SYNM: variants seen among roughly 807,000 people sequenced by gnomAD.
SYNM encodes desmuslin.
A neutral mutation model predicts 104.0 loss-of-function variants in SYNM; 95 were observed. The observed-to-expected ratio is 0.91, with a 90% confidence interval of 0.77 to 1.08. The LOEUF (loss-of-function observed/expected upper bound fraction) is 1.08, where lower values mean the gene tolerates loss of function less well. SYNM is among the 50% of genes least tolerant of loss of function. The pLI is 0.00. For missense variants in SYNM, 2,150 were observed against 2,052.2 expected (o/e 1.05, Z -0.92); for synonymous variants, 918 against 869.0 (o/e 1.06, Z -0.99).
chr15:99,133,323 C>T lies in SYNM; in HGVS notation c.*265C>T. 6.1e-6 allele frequency: 3 copies of T among 495,548 alleles called. No individual in the cohort carries two copies. The East Asian group carries it at 1.3e-4, about 22-fold the overall frequency. The allele number at this position is 495,548 out of a possible 1,614,324, so 30.7% of individuals were successfully genotyped here. A position where few individuals can be genotyped will look rare whatever the true frequency, so the allele number is the denominator to read the frequency against. Reference sequence around the variant, plus strand: ...TTTCCCTGGAGTCTTCTCTCCACTTCTGGAGATGAATTTCTATGTTTTGCA... The same window carrying T: ...TTTCCCTGGAGTCTTCTCTCCACTTTTGGAGATGAATTTCTATGTTTTGCA... On this transcript the variant is annotated 3_prime_UTR_variant, in exon 4 of 4. Coordinates refer to ENST00000336292, the MANE Select transcript of SYNM (RefSeq NM_145728.3).
At chr15:99,119,364 A>C (rs1555484304) in intron 2 of SYNM, among the ~76,000 whole-genome samples, 1 of 152,206 alleles carries the variant, frequency 6.6e-6, no homozygotes, top group African/African-American at 2.4e-5. Flanking sequence ...GACATACTGG[A>C]CCGAAGTTGG....
Position 99,107,225 on chromosome 15 carries a change from T to C in SYNM, c.810+1216T>C, listed in dbSNP as rs150169422. On this transcript the variant is annotated intron_variant, in intron 1 of 3. Coordinates refer to ENST00000336292, the MANE Select transcript of SYNM (RefSeq NM_145728.3). ...TGTTCTCTTGGGGCTTTGCCATAGC[T>C]AGAGCAGGGACAGGGACTGACCCAG... Among the ~76,000 whole-genome samples the C allele has an allele frequency of 1.6e-3, 241 of 152,346 alleles. 1 individual carries two copies. Among genetic ancestry groups the C allele is most frequent in the African/African-American group, 5.4e-3 (223 of 41,580 alleles).
rs782514881 is a variant in SYNM at position 99,132,258 on chromosome 15, G to A, written c.3898G>A (p.Gly1300Arg). Reference sequence around the variant, plus strand: ...CATAGGAGATTCTGTACACATGGAAGGGTTGCCAGGGAGCAGCACATCCAT... The same window carrying A: ...CATAGGAGATTCTGTACACATGGAAAGGTTGCCAGGGAGCAGCACATCCAT... The part of the protein sequence containing the change: ...GVIGDSVHME[G>R]LPGSSTSIRH... The change falls in exon 4 of 4, where the codon GGG (glycine) becomes AGG (arginine). Residue 1300 changes from glycine (G) to arginine (R), a missense_variant. Gly to Arg is a moderately radical substitution (Grantham distance 125). Transcript: ENST00000336292. The A allele has an allele frequency of 2.5e-6, 4 of 1,608,270 alleles. No individual in the cohort carries two copies. The highest frequency in any genetic ancestry group is 3.4e-6 in the Non-Finnish European group (4 of 1,175,952).
At position 99,132,697 on chromosome 15, in the gene SYNM, G is replaced by T; in HGVS notation, c.4337G>T (p.Arg1446Ile). The T allele has an allele frequency of 6.2e-7, 1 of 1,614,042 alleles. No homozygotes were observed. Among genetic ancestry groups the T allele is most frequent in the South Asian group, 1.1e-5 (1 of 91,086 alleles). ...PELGKLADSS[R>I]TLRHIAPGPK... The stretch of plus-strand genomic sequence containing the variant: ...CTAGGCAAGTTAGCAGACAGCAGCA[G>T]AACGCTAAGGCACATTGCACCAGGG... Residue 1446 changes from arginine (R) to isoleucine (I), a missense_variant, in exon 4 of 4, where the codon AGA (arginine) becomes ATA (isoleucine). Coordinates refer to ENST00000336292, the MANE Select transcript of SYNM (RefSeq NM_145728.3).
At position 99,131,634 on chromosome 15, in the gene SYNM, C is replaced by G; in HGVS notation, c.3274C>G (p.Gln1092Glu). 1 of 1,610,910 alleles carries G rather than the reference C, an allele frequency of 6.2e-7. No homozygotes were observed. Among genetic ancestry groups the G allele is most frequent in the Non-Finnish European group, 8.5e-7 (1 of 1,179,512 alleles). The change falls in exon 4 of 4, where the codon CAG becomes GAG. Residue 1092 changes from glutamine (Q) to glutamate (E), a missense_variant. By Grantham distance (29) the Gln-to-Glu change is conservative. Coordinates refer to ENST00000336292, the MANE Select transcript of SYNM (RefSeq NM_145728.3). The surrounding 1 kb of genome is among the most constrained non-coding windows in gnomAD (Gnocchi z 4.3). ...VAGGASHSSG[Q>E]RTPQGPVSAT... ...TGGTGGGGCCTCTCACAGCTCGGGA[C>G]AGCGCACTCCCCAGGGCCCAGTGTC...
At chr15:99,107,154 T>G (rs554744557) in intron 1 of SYNM, among the ~76,000 whole-genome samples, 112 of 152,324 alleles carry the variant, frequency 7.4e-4, no homozygotes, top group African/African-American at 2.5e-3. Context: ...ATTTAATCTT[T>G]TGAGTTGTGG....
At position 99,131,171 on chromosome 15, in the gene SYNM, G is replaced by A. The variant is rs1234961699; in HGVS notation, c.2811G>A (p.Met937Ile). 5 of 1,606,064 alleles carry A rather than the reference G, an allele frequency of 3.1e-6. No homozygotes were observed. The highest frequency in any genetic ancestry group is 1.7e-4 in the Middle Eastern group (1 of 6,052). ...IKIPHEFHTS[M>I]KGISSKEPRQ... ...TACCCCACGAATTCCACACCTCCAT[G>A]AAGGGCATCTCCTCCAAGGAGCCCC... Residue 937 changes from methionine to isoleucine, a missense_variant, in exon 4 of 4, where the codon ATG (methionine) becomes ATA (isoleucine). Met to Ile is a conservative substitution (Grantham distance 10). Coordinates refer to ENST00000336292, the MANE Select transcript of SYNM (RefSeq NM_145728.3). This position sits in a 1 kb window ranked among gnomAD's most constrained non-coding sequence, Gnocchi z 4.3.
rs1326471812 is a variant in SYNM at position 99,105,563 on chromosome 15, G to C, written c.364G>C (p.Glu122Gln). 8.5e-7 allele frequency: 1 copy of C among 1,176,490 alleles called. No individual in the cohort carries two copies. The allele number at this position is 1,176,490 out of a possible 1,614,324, so 72.9% of individuals were successfully genotyped here. Reference sequence around the variant, plus strand: ...GGGTGCGCAGCAGCGCGAGCTGCAGGAGGCGCTGGGCGCGCGCGCCGCCCT... The same window carrying C: ...GGGTGCGCAGCAGCGCGAGCTGCAGCAGGCGCTGGGCGCGCGCGCCGCCCT... ...ELGAQQRELQ[E>Q]ALGARAALEA... The change falls in exon 1 of 4, where the codon GAG becomes CAG. Residue 122 changes from glutamate to glutamine, a missense_variant. By Grantham distance (29) the Glu-to-Gln change is conservative (BLOSUM62 2). Transcript: ENST00000336292.
chr15:99,119,400 C>T (rs544689883), intron 2 of SYNM, among the ~76,000 whole-genome samples: 24 of 152,294 alleles, frequency 1.6e-4, no homozygotes, highest in Admixed American at 9.8e-4. Context: ...CCAGGTGATT[C>T]GTGCGCACAC....
chr15:99,138,795 G>A (rs549730417), downstream of SYNM, among the ~76,000 whole-genome samples: 27 of 152,314 alleles, frequency 1.8e-4, no homozygotes, highest in African/African-American at 5.8e-4. Flanking sequence ...TGTCTGCTCC[G>A]GGCTGTGGCC....
chr15:99,117,874 A>C (rs1007514230), intron 2 of SYNM, among the ~76,000 whole-genome samples: 75 of 152,084 alleles, frequency 4.9e-4, no homozygotes, highest in African/African-American at 1.8e-3. Flanking sequence ...GACAGAGTTT[A>C]TTTTGTCTGT....
intron 2 of SYNM, among the ~76,000 whole-genome samples, chr15:99,122,346 T>G (rs1555484609): frequency 1.3e-5 from 2 of 152,250 alleles, no homozygotes; most frequent in African/African-American, 4.8e-5. Flanking sequence ...CCATTATTTT[T>G]TAGGCCACCT....
rs1555485612 is a variant in SYNM, at chr15:99,130,484, A to T, written c.2124A>T (p.Leu708Phe). The T allele has an allele frequency of 1.2e-6, 2 of 1,613,932 alleles. No homozygotes were observed. Among genetic ancestry groups the T allele is most frequent in the Non-Finnish European group, 1.7e-6 (2 of 1,179,896 alleles). Reference sequence around the variant, plus strand: ...ATGAAGCTGGCCTGGACTACCTTTTAAGCAAGGATATTAAGGAAGTGGGGC... The same window carrying T: ...ATGAAGCTGGCCTGGACTACCTTTTTAGCAAGGATATTAAGGAAGTGGGGC... ...VSDEAGLDYL[L>F]SKDIKEVGLK... The change falls in exon 4 of 4, where the codon TTA becomes TTT. Residue 708 changes from leucine to phenylalanine, a missense_variant. By Grantham distance (22) the Leu-to-Phe change is conservative (BLOSUM62 0). Transcript: ENST00000336292.
At chr15:99,128,289 C>T (rs922261670) in intron 3 of SYNM, among the ~76,000 whole-genome samples, 8 of 152,284 alleles carry the variant, frequency 5.3e-5, no homozygotes, top group Non-Finnish European at 1.0e-4. Context: ...TGGCCGCTTG[C>T]CCGCTAGCCG....
chr15:99,108,942 G>A (rs535783540), intron 1 of SYNM, among the ~76,000 whole-genome samples: 6 of 152,212 alleles, frequency 3.9e-5, no homozygotes, highest in Non-Finnish European at 7.3e-5. Flanking sequence ...CCAGCTGGCT[G>A]AATAGTTTTG....
In SYNM at chr15:99,129,917, G is replaced by C. The variant is rs781959876; in HGVS notation, c.1557G>C (p.Lys519Asn). The C allele has an allele frequency of 6.2e-6, 10 of 1,612,372 alleles. No homozygotes were observed. Among genetic ancestry groups the C allele is most frequent in the South Asian group, 2.2e-5 (2 of 90,884 alleles). Residue 519 changes from lysine to asparagine, a missense_variant, in exon 4 of 4, where the codon AAG becomes AAC. Coordinates refer to ENST00000336292, the MANE Select transcript of SYNM (RefSeq NM_145728.3). Reference sequence around the variant, plus strand: ...ACAGACCAGAAACCATCCGAACAAAGCCAGAAGAGAAAATGTTCGATTCTA... The same window carrying C: ...ACAGACCAGAAACCATCCGAACAAACCCAGAAGAGAAAATGTTCGATTCTA... The part of the protein sequence containing the change: ...ERNRPETIRT[K>N]PEEKMFDSKE...
In SYNM at chr15:99,130,501, A is replaced by T. The variant is rs782059143; in HGVS notation, c.2141A>T (p.Glu714Val). 6.2e-7 allele frequency: 1 copy of T among 1,613,918 alleles called. No individual in the cohort carries two copies. The highest frequency in any genetic ancestry group is 2.2e-5 in the East Asian group (1 of 44,880). ...TACCTTTTAAGCAAGGATATTAAGG[A>T]AGTGGGGCTGAAAGGCAAGTCAGCC... ...LDYLLSKDIK[E>V]VGLKGKSAEQ... Residue 714 changes from glutamate to valine, a missense_variant, in exon 4 of 4, where the codon GAA becomes GTA. Coordinates refer to ENST00000336292, the MANE Select transcript of SYNM (RefSeq NM_145728.3).
chr15:99,112,018 C>T (rs1410995181), intron 1 of SYNM, among the ~76,000 whole-genome samples: 1 of 152,232 alleles, frequency 6.6e-6, no homozygotes, highest in Admixed American at 6.5e-5. Flanking sequence ...CATTGCACTC[C>T]AGCCTCGGTG....
chr15:99,105,415 C>G lies in SYNM; in HGVS notation c.216C>G (p.Asp72Glu), dbSNP rs1166556187. 6 of 1,507,136 alleles carry G rather than the reference C, an allele frequency of 4.0e-6. No homozygotes were observed. The highest frequency in any genetic ancestry group is 2.1e-5 in the Admixed American group (1 of 48,050). The allele number at this position is 1,507,136 out of a possible 1,614,324, so 93.4% of individuals were successfully genotyped here. The change falls in exon 1 of 4, where the codon GAC (aspartate) becomes GAG (glutamate). Residue 72 changes from aspartate to glutamate, a missense_variant. Coordinates refer to ENST00000336292, the MANE Select transcript of SYNM (RefSeq NM_145728.3). ...EEARSLRQQLDELSWATALAE... is the reference protein window; with the variant it reads ...EEARSLRQQLEELSWATALAE... ...CGCGCAGCTTGCGGCAGCAGCTGGA[C>G]GAGCTGAGCTGGGCCACTGCGCTGG...
Sources: gnomAD v4.1 joint callset for allele counts (sites outside exome capture counted in the v4.1 genomes callset) on GRCh38, gnomAD v4.1.1 for gene constraint, Gnocchi (gnomAD v3.1) non-coding constraint, MANE v1.5 for transcripts, NCBI Gene and HGNC (gene_info 2026-07-23, HGNC 2026-07-21) for gene names.